GRID2: variants seen among roughly 807,000 people sequenced by gnomAD.
The protein encoded by GRID2 is glutamate ionotropic receptor delta type subunit 2.
A neutral mutation model predicts 114.8 loss-of-function variants in GRID2; 33 were observed. The ratio of observed to expected loss-of-function variants is 0.29; its 90% CI spans 0.22 to 0.38. The LOEUF is 0.38. Ranked by LOEUF, GRID2 falls within the 10% of genes least tolerant of loss-of-function variation. The pLI is 1.00. For synonymous variants in GRID2, 505 were observed against 449.9 expected (o/e 1.12, Z -1.55); for missense variants, 1,184 against 1,257.7 (o/e 0.94, Z 0.89).
chr4:92,717,760 T>C (rs1735617879), intron 2 of GRID2, among the ~76,000 whole-genome samples: 1 of 152,166 alleles, frequency 6.6e-6, no homozygotes, highest in Non-Finnish European at 1.5e-5. Flanking sequence ...TTTTATTGAA[T>C]AACCACTAAT....
intron 13 of GRID2, among the ~76,000 whole-genome samples, chr4:93,549,742 A>G (rs1733582802): frequency 6.6e-6 from 1 of 152,204 alleles, no homozygotes; most frequent in South Asian, 2.1e-4. Context: ...CTTTTCTGCC[A>G]AGCAAATTAA....
chr4:93,425,357 C>T (rs948786245), intron 10 of GRID2, among the ~76,000 whole-genome samples: 2 of 152,154 alleles, frequency 1.3e-5, no homozygotes, highest in Non-Finnish European at 2.9e-5. Context: ...ATTGTTAAGG[C>T]AGGTCTATTT....
rs528970949 is a variant in GRID2, at chr4:92,625,050, T to C, written c.244+34764T>C. 3.1e-4 allele frequency among the ~76,000 whole-genome samples: 47 copies of C among 151,892 alleles called. No homozygotes were observed. In the East Asian group the frequency reaches 8.2e-3, roughly 26 times the overall value. ...TTCATTTTCTCACTGTGATAATATC[T>C]TTATATGCTAAAAAGCCTGAAAGTA... On this transcript the variant is annotated intron_variant, in intron 2 of 15. Coordinates refer to ENST00000282020, the MANE Select transcript of GRID2 (RefSeq NM_001510.4).
intron 14 of GRID2, among the ~76,000 whole-genome samples, chr4:93,656,003 G>T (rs1336622083): frequency 1.2e-4 from 18 of 150,816 alleles, no homozygotes; most frequent in Admixed American, 1.2e-3. Context: ...AAAATGCTGA[G>T]ATACTTAAAA....
Position 93,461,478 on chromosome 4 carries a change from C to T in GRID2, c.1858+5504C>T, listed in dbSNP as rs1172870050. Among the ~76,000 whole-genome samples, 22 of 152,022 alleles carry T rather than the reference C, an allele frequency of 1.4e-4. 1 individual carries two copies. The highest frequency in any genetic ancestry group is 1.4e-3 in the Admixed American group (22 of 15,262). On this transcript the variant is annotated intron_variant, in intron 11 of 15. Transcript: ENST00000282020. Reference sequence around the variant, plus strand: ...TTTCAGAATTGCAGTCTTCATTGAGCCACTATACCAGATTGAATAGGGATA... The same window carrying T: ...TTTCAGAATTGCAGTCTTCATTGAGTCACTATACCAGATTGAATAGGGATA...
chr4:93,288,622 T>C (rs1271735485), intron 8 of GRID2, among the ~76,000 whole-genome samples: 1 of 152,208 alleles, frequency 6.6e-6, no homozygotes, highest in Non-Finnish European at 1.5e-5. Flanking sequence ...ATACTTTTTA[T>C]TGCATACATT....
At chr4:92,938,050 T>A (rs1436698497) in intron 2 of GRID2, among the ~76,000 whole-genome samples, 1 of 146,934 alleles carries the variant, frequency 6.8e-6, no homozygotes, top group African/African-American at 2.4e-5. Flanking sequence ...GTTTTTAAGA[T>A]GAAATAATGT....
At chr4:92,318,290 G>GTGTGTATA (rs369526929) in intron 1 of GRID2, among the ~76,000 whole-genome samples, 4 of 104,130 alleles carry the variant, frequency 3.8e-5, no homozygotes, top group East Asian at 2.5e-4. Flanking sequence ...ATATATGTGT[G>GTGTGTATA]TATATATATA....
chr4:93,097,260 AT>A (rs991260817), intron 3 of GRID2, among the ~76,000 whole-genome samples: 23 of 151,956 alleles, frequency 1.5e-4, no homozygotes, highest in African/African-American at 5.6e-4. Context: ...AGATCTGTTT[AT>A]TATATGTAAA....
At chr4:93,055,905 G>A (rs1485769053) in intron 2 of GRID2, among the ~76,000 whole-genome samples, 1 of 151,824 alleles carries the variant, frequency 6.6e-6, no homozygotes, top group African/African-American at 2.4e-5. Context: ...CTTTCCAATA[G>A]TATTATGAAA....
chr4:93,688,356 A>C (rs1420329664), intron 14 of GRID2, among the ~76,000 whole-genome samples: 2 of 151,926 alleles, frequency 1.3e-5, no homozygotes, highest in Non-Finnish European at 2.9e-5. Flanking sequence ...CTGCTACTTG[A>C]TGCTTGCTAG....
intron 2 of GRID2, among the ~76,000 whole-genome samples, chr4:93,075,095 A>T (rs1729138828): frequency 6.6e-6 from 1 of 152,190 alleles, no homozygotes; most frequent in East Asian, 1.9e-4. Flanking sequence ...ATGTGTGACT[A>T]TATTCTAACC....
chr4:93,336,484 A>C (rs1431371079), intron 8 of GRID2, among the ~76,000 whole-genome samples: 1 of 152,192 alleles, frequency 6.6e-6, no homozygotes, highest in African/African-American at 2.4e-5. Flanking sequence ...TTCCCACTAA[A>C]ACAAGCAATG....
chr4:92,483,508 T>C (rs1025449765), intron 1 of GRID2, among the ~76,000 whole-genome samples: 13 of 152,130 alleles, frequency 8.5e-5, no homozygotes, highest in Non-Finnish European at 1.3e-4. Context: ...ATATGTATGT[T>C]GGGAAAAGCA....
chr4:93,036,434 C>G (rs1724939807), intron 2 of GRID2, among the ~76,000 whole-genome samples: 1 of 152,058 alleles, frequency 6.6e-6, no homozygotes, highest in African/African-American at 2.4e-5. Flanking sequence ...TTCAAGTAAA[C>G]AAACTTAATC....
At chr4:92,928,871 T>G (rs1335237593) in intron 2 of GRID2, among the ~76,000 whole-genome samples, 1 of 151,484 alleles carries the variant, frequency 6.6e-6, no homozygotes, top group African/African-American at 2.4e-5. Flanking sequence ...AAGTAGTTAT[T>G]TTTTGAGAAC....
intron 2 of GRID2, among the ~76,000 whole-genome samples, chr4:92,977,768 G>C (rs1753963069): frequency 6.6e-6 from 1 of 152,152 alleles, no homozygotes; most frequent in Admixed American, 6.5e-5. Flanking sequence ...TGGTCAGGTG[G>C]ATATGGAGAG....
intron 1 of GRID2, among the ~76,000 whole-genome samples, chr4:92,421,145 C>G (rs1417281361): frequency 6.6e-6 from 1 of 151,858 alleles, no homozygotes; most frequent in African/African-American, 2.4e-5. Flanking sequence ...GCTCTGAGAG[C>G]TTTATCTTTT....
intron 2 of GRID2, among the ~76,000 whole-genome samples, chr4:92,671,214 G>T (rs1733051240): frequency 6.6e-6 from 1 of 151,614 alleles, no homozygotes. Flanking sequence ...AGAGCTAAGG[G>T]GGAAGTGCTA....
Sources: gnomAD v4.1 joint callset for allele counts (sites outside exome capture counted in the v4.1 genomes callset) on GRCh38, gnomAD v4.1.1 for gene constraint, MANE v1.5 for transcripts, NCBI Gene and HGNC (gene_info 2026-07-23, HGNC 2026-07-21) for gene names.